Variants in MGAT5 observed in about 807,000 individuals in gnomAD.
MGAT5 encodes alpha-1,6-mannosylglycoprotein 6-beta-N-acetylglucosaminyltransferase A.
In MGAT5, 30 loss-of-function variants were observed where a neutral mutation model predicts 94.3. The observed-to-expected ratio is 0.32, with a 90% CI of 0.24 to 0.43. The LOEUF (loss-of-function observed/expected upper bound fraction) is 0.43, where lower values mean the gene tolerates loss of function less well. MGAT5 is among the 20% of genes least tolerant of loss of function. MGAT5 has a pLI of 1.00. For missense variants in MGAT5, 691 were observed against 905.5 expected (o/e 0.76, Z 3.04); for synonymous variants, 310 against 322.9 (o/e 0.96, Z 0.43).
Position 134,453,402 on chromosome 2 carries a change from C to T in MGAT5, c.*4555C>T, listed in dbSNP as rs1356523239. 6.6e-6 allele frequency: 1 copy of T among 151,132 alleles called. No individual in the cohort carries two copies. The highest frequency in any genetic ancestry group is 1.5e-5 in the Non-Finnish European group (1 of 68,030). 9.4% of individuals were successfully genotyped at this position (151,132 alleles called of 1,614,324 possible). The stretch of plus-strand genomic sequence containing the variant: ...TGGCTAGCCACATACTGGACCTTAC[C>T]CCACTGACGTCTTTCAGAACATTCC... On this transcript the variant is annotated 3_prime_UTR_variant, in exon 16 of 16. Coordinates refer to ENST00000281923, the MANE Select transcript of MGAT5 (RefSeq NM_002410.5).
intron 2 of MGAT5, among the ~76,000 whole-genome samples, chr2:134,273,099 G>A (rs1481315568): frequency 2.0e-5 from 3 of 152,072 alleles, no homozygotes. Context: ...ATATAGATAT[G>A]CTGGACAGCC....
chr2:134,443,875 G>A (rs1042953450), intron 15 of MGAT5, among the ~76,000 whole-genome samples: 1 of 152,144 alleles, frequency 6.6e-6, no homozygotes, highest in South Asian at 2.1e-4. Flanking sequence ...GAAGAGATAC[G>A]AGAAGCCGCA....
intron 1 of MGAT5, among the ~76,000 whole-genome samples, chr2:134,120,473 C>T (rs1411262480): frequency 6.6e-6 from 1 of 151,900 alleles, no homozygotes; most frequent in Non-Finnish European, 1.5e-5. Context: ...GTGGGTGCCC[C>T]GGCCCCGGCC....
chr2:134,220,815 T>C (rs151199845), intron 1 of MGAT5, among the ~76,000 whole-genome samples: 229 of 152,314 alleles, frequency 1.5e-3, no homozygotes, highest in African/African-American at 5.3e-3. Flanking sequence ...CTCTGACTTA[T>C]AGCAGGCAGT....
intron 14 of MGAT5, among the ~76,000 whole-genome samples, chr2:134,429,412 C>T (rs538343256): frequency 5.3e-5 from 8 of 152,294 alleles, no homozygotes; most frequent in Admixed American, 3.9e-4. Flanking sequence ...AGCAAGAGAG[C>T]GCGCTCTGCA....
chr2:134,165,371 G>A (rs1687922966), intron 1 of MGAT5, among the ~76,000 whole-genome samples: 1 of 152,186 alleles, frequency 6.6e-6, no homozygotes, highest in Non-Finnish European at 1.5e-5. Flanking sequence ...GGATTGTGAG[G>A]TTGTTTCATG....
intron 1 of MGAT5, among the ~76,000 whole-genome samples, chr2:134,190,979 A>C (rs962628057): frequency 5.3e-5 from 8 of 151,440 alleles, no homozygotes; most frequent in African/African-American, 1.7e-4. Flanking sequence ...TTAGAGACAG[A>C]ATCTTGCCAA....
chr2:134,415,511 T>C (rs1683913479), intron 12 of MGAT5, among the ~76,000 whole-genome samples: 2 of 152,224 alleles, frequency 1.3e-5, no homozygotes, highest in African/African-American at 4.8e-5. Flanking sequence ...TTATATACTT[T>C]GGGAATTAAC....
chr2:134,202,677 A>G (rs1679847812), intron 1 of MGAT5, among the ~76,000 whole-genome samples: 1 of 152,234 alleles, frequency 6.6e-6, no homozygotes, highest in Non-Finnish European at 1.5e-5. Flanking sequence ...GACTTGTGAG[A>G]TAAGCAGTGT....
intron 1 of MGAT5, among the ~76,000 whole-genome samples, chr2:134,152,751 A>G (rs977584113): frequency 6.6e-6 from 1 of 152,218 alleles, no homozygotes; most frequent in Non-Finnish European, 1.5e-5. Flanking sequence ...AAAGAAAAGT[A>G]TGAATCGTTC....
chr2:134,306,199 C>T (rs1686317950), intron 2 of MGAT5, among the ~76,000 whole-genome samples: 1 of 152,078 alleles, frequency 6.6e-6, no homozygotes. Flanking sequence ...TACTAAGGAA[C>T]ATTTTGTTGC....
At position 134,292,425 on chromosome 2, in the gene MGAT5, G is replaced by A. The variant is rs149594801; in HGVS notation, c.406+21875G>A. On this transcript the variant is annotated intron_variant, in intron 2 of 15. Transcript: ENST00000281923. Reference sequence around the variant, plus strand: ...ATTCGGGTCCCTCAGTTCACAGGTGGAACAACTCTCTTCAATCCGACAGGG... The same window carrying A: ...ATTCGGGTCCCTCAGTTCACAGGTGAAACAACTCTCTTCAATCCGACAGGG... 5.0e-3 allele frequency among the ~76,000 whole-genome samples: 764 copies of A among 152,260 alleles called. 3 individuals carry two copies. The highest frequency in any genetic ancestry group is 6.1e-3 in the Admixed American group (94 of 15,290).
At chr2:134,120,140 G>A (rs1002115955), upstream of MGAT5, 1 of 154,020 alleles carries the variant, frequency 6.5e-6, no homozygotes, top group Non-Finnish European at 1.4e-5. Flanking sequence ...CCGCTCGGCG[G>A]CGGCCCTGCG....
intron 10 of MGAT5, among the ~76,000 whole-genome samples, chr2:134,401,348 G>A (rs1308402295): frequency 2.0e-5 from 3 of 152,166 alleles, no homozygotes; most frequent in Admixed American, 1.3e-4. Flanking sequence ...TAATCTCCCT[G>A]TATACAGGAT....
At chr2:134,325,551 T>C (rs1687593059) in intron 4 of MGAT5, among the ~76,000 whole-genome samples, 1 of 152,098 alleles carries the variant, frequency 6.6e-6, no homozygotes, top group Non-Finnish European at 1.5e-5. Flanking sequence ...TCTGTTTCAA[T>C]GTGTATCTCT....
At chr2:134,238,326 A>T (rs1332197218) in intron 1 of MGAT5, among the ~76,000 whole-genome samples, 1 of 152,238 alleles carries the variant, frequency 6.6e-6, no homozygotes, top group African/African-American at 2.4e-5. Flanking sequence ...TCTGTTAAGG[A>T]TCACGGTCCA....
Position 134,226,066 on chromosome 2 carries a change from G to A in MGAT5, c.-142-28196G>A, listed in dbSNP as rs79875365. On this transcript the variant is annotated intron_variant, in intron 1 of 16. Transcript: ENST00000409645. Reference sequence around the variant, plus strand: ...CCTTAGGAGAAGAGTGTTTACTGTTGAGTGGTTGTTCTGCTCTGCCCCTTG... The same window carrying A: ...CCTTAGGAGAAGAGTGTTTACTGTTAAGTGGTTGTTCTGCTCTGCCCCTTG... Among the ~76,000 whole-genome samples, 712 of 152,288 alleles carry A rather than the reference G, an allele frequency of 4.7e-3. 20 individuals carry two copies. In the East Asian group the frequency reaches 0.1, roughly 22 times the overall value.
At chr2:134,400,887 A>G (rs1683009820) in intron 10 of MGAT5, among the ~76,000 whole-genome samples, 1 of 152,174 alleles carries the variant, frequency 6.6e-6, no homozygotes, top group Non-Finnish European at 1.5e-5. Context: ...GGGAAACTCA[A>G]GTAAAAATAT....
chr2:134,279,565 C>G (rs1684574363), intron 2 of MGAT5, among the ~76,000 whole-genome samples: 4 of 152,160 alleles, frequency 2.6e-5, no homozygotes, highest in African/African-American at 9.7e-5. Context: ...CTATATATAT[C>G]CCTGTCGGGA....
Sources: allele counts gnomAD v4.1 joint callset (sites outside exome capture counted in the v4.1 genomes callset), GRCh38; gene constraint gnomAD v4.1.1; transcripts MANE v1.5; gene names NCBI Gene and HGNC (gene_info 2026-07-23, HGNC 2026-07-21).